Variants in NALF1 observed in about 807,000 individuals in gnomAD.
NALF1 encodes NALCN channel auxiliary factor 1, also known as family with sequence similarity 155 member A.
In NALF1, 3 loss-of-function variants were observed where a neutral mutation model predicts 48.4. The ratio of observed to expected loss-of-function variants is 0.06; its 90% CI spans 0.03 to 0.16. The LOEUF is 0.16. Among genes scored for constraint, NALF1 ranks in the 10% least tolerant of loss-of-function variants. NALF1 has a pLI of 1.00. For synonymous variants in NALF1, 262 were observed against 245.7 expected (o/e 1.07, Z -0.62); for missense variants, 526 against 571.5 (o/e 0.92, Z 0.81).
rs78997655 is a variant in NALF1 at position 107,715,105 on chromosome 13, G to A, written c.915+150577C>T. Among the ~76,000 whole-genome samples the A allele has an allele frequency of 1.2e-3, 182 of 151,928 alleles. 1 individual carries two copies. The East Asian group carries it at 0.032, about 26-fold the overall frequency. On this transcript the variant is annotated intron_variant, in intron 1 of 2. Coordinates refer to ENST00000375915, the MANE Select transcript of NALF1 (RefSeq NM_001080396.3). The stretch of plus-strand genomic sequence containing the variant: ...GTGTAGTAATCACATCAGGATAATC[G>A]GCATTTAGCATTTATCATTTCTTTG...
rs999594067 is a variant in NALF1, at chr13:107,446,625, T to G, written c.916-235870A>C. Among the ~76,000 whole-genome samples the G allele has an allele frequency of 3.9e-5, 6 of 152,354 alleles. No individual in the cohort carries two copies. The East Asian group carries it at 1.2e-3, about 29-fold the overall frequency. ...AAGGTTAATTTTCTGAAAATTGTAT[T>G]GTTTTCTCAAAATTTAAATATTATT... On this transcript the variant is annotated intron_variant, in intron 1 of 2. Transcript: ENST00000375915.
At chr13:107,453,587 G>T (rs1884777727) in intron 1 of NALF1, among the ~76,000 whole-genome samples, 1 of 152,222 alleles carries the variant, frequency 6.6e-6, no homozygotes, top group South Asian at 2.1e-4. Context: ...TGATGGGACA[G>T]GCTACCATGA....
In NALF1 at chr13:107,726,925, G is replaced by C. The variant is rs1379691598; in HGVS notation, c.915+138757C>G. 1.4e-3 allele frequency among the ~76,000 whole-genome samples: 212 copies of C among 150,090 alleles called. 1 individual carries two copies. The East Asian group carries it at 0.024, about 17-fold the overall frequency. ...GGCCGGCAAATTCTTGTGTGTGTGTGTGTGTGTGTGTGTGTGTGTGTGTGT... is the reference window on the plus strand; with the variant it reads ...GGCCGGCAAATTCTTGTGTGTGTGTCTGTGTGTGTGTGTGTGTGTGTGTGT... On this transcript the variant is annotated intron_variant, in intron 1 of 2. Transcript: ENST00000375915.
At chr13:107,493,122 A>T (rs1325810588) in intron 1 of NALF1, among the ~76,000 whole-genome samples, 1 of 152,140 alleles carries the variant, frequency 6.6e-6, no homozygotes, top group Non-Finnish European at 1.5e-5. Context: ...GCCCAAAAAG[A>T]TATCTCCATT....
intron 2 of NALF1, among the ~76,000 whole-genome samples, chr13:107,194,249 C>T (rs1436410529): frequency 6.6e-6 from 1 of 152,126 alleles, no homozygotes; most frequent in Non-Finnish European, 1.5e-5. Flanking sequence ...GATCATTCAT[C>T]TTGAGCGCTT....
intron 1 of NALF1, among the ~76,000 whole-genome samples, chr13:107,727,048 G>A (rs1876178263): frequency 6.6e-6 from 1 of 151,104 alleles, no homozygotes; most frequent in East Asian, 2.0e-4. Flanking sequence ...CTGACCTCAT[G>A]ATCCTCCCTC....
At chr13:107,680,996 G>GT (rs1881287851) in intron 1 of NALF1, among the ~76,000 whole-genome samples, 1 of 151,252 alleles carries the variant, frequency 6.6e-6, no homozygotes, top group Non-Finnish European at 1.5e-5. Flanking sequence ...TAATTTTTCA[G>GT]TTTTCTGCCT....
intron 1 of NALF1, among the ~76,000 whole-genome samples, chr13:107,801,950 A>C (rs919029723): frequency 6.6e-6 from 1 of 152,120 alleles, no homozygotes; most frequent in Non-Finnish European, 1.5e-5. Context: ...TCTGTGTATC[A>C]GCAGTTTAAG....
intron 1 of NALF1, among the ~76,000 whole-genome samples, chr13:107,649,934 T>C (rs1310292730): frequency 2.0e-5 from 3 of 152,200 alleles, no homozygotes; most frequent in African/African-American, 4.8e-5. Flanking sequence ...ATGATAATGC[T>C]ACATGGACTG....
intron 1 of NALF1, among the ~76,000 whole-genome samples, chr13:107,363,420 C>T (rs1883099781): frequency 6.6e-6 from 1 of 152,036 alleles, no homozygotes; most frequent in South Asian, 2.1e-4. Context: ...ATAGTGAGAC[C>T]ACGTTTCTAC....
chr13:107,568,775 G>C lies in NALF1; in HGVS notation c.915+296907C>G, dbSNP rs998871926. 4.6e-5 allele frequency among the ~76,000 whole-genome samples: 7 copies of C among 152,026 alleles called. No individual in the cohort carries two copies. The East Asian group carries it at 1.4e-3, about 29-fold the overall frequency. ...TGAAATGTCTGTGCATGTTTTTTGAGTATTTTTAACTGGATTTTTTGAATG... is the reference window on the plus strand; with the variant it reads ...TGAAATGTCTGTGCATGTTTTTTGACTATTTTTAACTGGATTTTTTGAATG... On this transcript the variant is annotated intron_variant, in intron 1 of 2. Transcript: ENST00000375915.
chr13:107,283,124 T>C (rs1260838535), intron 1 of NALF1, among the ~76,000 whole-genome samples: 2 of 152,156 alleles, frequency 1.3e-5, no homozygotes, highest in African/African-American at 2.4e-5. Context: ...TAGAACCACA[T>C]TGGCCGCACT....
intron 1 of NALF1, among the ~76,000 whole-genome samples, chr13:107,680,409 A>AGTGT (rs1411913191): frequency 6.6e-6 from 1 of 151,250 alleles, no homozygotes; most frequent in Non-Finnish European, 1.5e-5. Context: ...TACGTGTATG[A>AGTGT]GTGTGTGTGC....
intron 1 of NALF1, among the ~76,000 whole-genome samples, chr13:107,387,328 C>T (rs776356759): frequency 6.2e-4 from 95 of 152,096 alleles, no homozygotes; most frequent in Admixed American, 3.5e-3. Flanking sequence ...ACAGAGCTTC[C>T]GTCCCAAGTT....
chr13:107,578,337 G>T (rs552002074), intron 1 of NALF1, among the ~76,000 whole-genome samples: 9 of 152,202 alleles, frequency 5.9e-5, no homozygotes, highest in African/African-American at 2.2e-4. Flanking sequence ...TTGCCGTGTT[G>T]AAATAAATTT....
chr13:107,597,657 T>C (rs1267319000), intron 1 of NALF1, among the ~76,000 whole-genome samples: 1 of 152,106 alleles, frequency 6.6e-6, no homozygotes, highest in Admixed American at 6.6e-5. Flanking sequence ...AAATAGTCAA[T>C]ATTAGATAGT....
chr13:107,743,790 C>A (rs1876704984), intron 1 of NALF1, among the ~76,000 whole-genome samples: 1 of 152,278 alleles, frequency 6.6e-6, no homozygotes, highest in Admixed American at 6.5e-5. Context: ...ATAGGTTATA[C>A]AGGAACTGTG....
chr13:107,747,559 G>T (rs983000750), intron 1 of NALF1, among the ~76,000 whole-genome samples: 6 of 152,092 alleles, frequency 3.9e-5, no homozygotes, highest in African/African-American at 1.4e-4. Context: ...CCAAACTCTG[G>T]TGTAAATCTA....
At chr13:107,680,623 TGTTTGTGA>T (rs1383265216) in intron 1 of NALF1, among the ~76,000 whole-genome samples, 1 of 102,730 alleles carries the variant, frequency 9.7e-6, no homozygotes, top group Non-Finnish European at 2.3e-5. Flanking sequence ...TGAGGGTGTA[TGTTTGTGA>T]GAGTGTGAAA....
Sources: allele counts gnomAD v4.1 joint callset (sites outside exome capture counted in the v4.1 genomes callset), GRCh38; gene constraint gnomAD v4.1.1; transcripts MANE v1.5; gene names NCBI Gene and HGNC (gene_info 2026-07-23, HGNC 2026-07-21).